Variants in HCN3 observed in about 807,000 individuals in gnomAD.
HCN3 encodes the protein potassium/sodium hyperpolarization-activated cyclic nucleotide-gated channel 3.
Under a neutral mutation model 56.8 loss-of-function variants are expected in HCN3, and 36 were observed. That is an observed-to-expected ratio of 0.63 (90% CI 0.49 to 0.84). The LOEUF is 0.84. HCN3 is among the 40% of genes least tolerant of loss of function. The probability of loss-of-function intolerance (pLI) is 0.00; values close to 1 mark genes in which losing one functional copy is unlikely to be tolerated. For missense variants in HCN3, 930 were observed against 1,079.3 expected (o/e 0.86, Z 1.94); for synonymous variants, 425 against 439.7 (o/e 0.97, Z 0.42).
intron 6 of HCN3, 46 bp from the exon 7 acceptor site, chr1:155,287,127 C>G: frequency 9.4e-6 from 15 of 1,601,030 alleles, no homozygotes; most frequent in Non-Finnish European, 1.3e-5. Context: ...AAGAGGAGTT[C>G]TGGGGACAAG....
intron 1 of HCN3, among the ~76,000 whole-genome samples, chr1:155,280,738 ATTTTTTTTTT>A (rs34480594): frequency 2.0e-4 from 7 of 34,538 alleles, no homozygotes; most frequent in African/African-American, 2.8e-4. Flanking sequence ...ACGCCCAGCT[ATTTTTTTTTT>A]TTTTTTTTTT....
chr1:155,285,870 G>T lies in HCN3; in HGVS notation c.1383G>T (p.Val461=). ...ATCTCGTGGTGCGTGAGGGCTCCGT[G>T]GGGAGGAAGATGTACTTCATCCAGC... The part of the protein sequence containing the change: ...PGDLVVREGS[V]GRKMYFIQHG... The change falls in exon 6 of 8, where the codon GTG becomes GTT. Residue 461 remains valine, a synonymous_variant. Coordinates refer to ENST00000368358, the MANE Select transcript of HCN3 (RefSeq NM_020897.3). The surrounding 1 kb of genome is among the most constrained non-coding windows in gnomAD (Gnocchi z 4.5). 1 of 1,614,204 alleles carries T rather than the reference G, an allele frequency of 6.2e-7. No homozygotes were observed. The highest frequency in any genetic ancestry group is 8.5e-7 in the Non-Finnish European group (1 of 1,180,016).
chr1:155,277,913 C>T (rs1443087700), intron 1 of HCN3, 45 bp downstream of exon 1: 3 of 1,586,428 alleles, frequency 1.9e-6, no homozygotes, highest in Admixed American at 3.4e-5. Context: ...CAATCCCACC[C>T]TCGCGGGCAG....
In HCN3 at chr1:155,285,603, T is replaced by A. The variant is rs1170400537; in HGVS notation, c.1237-121T>A. 1.2e-5 allele frequency: 16 copies of A among 1,359,454 alleles called. No homozygotes were observed. Among genetic ancestry groups the A allele is most frequent in the Non-Finnish European group, 1.6e-5 (16 of 1,000,236 alleles). 84.2% of individuals were successfully genotyped at this position (1,359,454 alleles called of 1,614,324 possible). On this transcript the variant is annotated intron_variant, in intron 5 of 7. Transcript: ENST00000368358. This position sits in a 1 kb window ranked among gnomAD's most constrained non-coding sequence, Gnocchi z 4.5. Reference sequence around the variant, plus strand: ...TTAGGGATGGTCCCAGGCCCACTGATGCCTCCCCATCCTTTGGCAGAACAT... The same window carrying A: ...TTAGGGATGGTCCCAGGCCCACTGAAGCCTCCCCATCCTTTGGCAGAACAT...
chr1:155,288,189 C>A lies in HCN3; in HGVS notation c.2051C>A (p.Ser684Tyr). ...PPARTLHASL[S>Y]RAGRSQVSLL... is the part of the protein sequence containing the mutation. ...GCCCGAACCCTGCACGCCAGCCTAT[C>A]CCGGGCAGGGCGCTCCCAGGTCTCC... Residue 684 changes from serine to tyrosine, a missense_variant, in exon 8 of 8, where the codon TCC becomes TAC. Transcript: ENST00000368358. The surrounding 1 kb of genome is among the most constrained non-coding windows in gnomAD (Gnocchi z 6.5). 1.3e-6 allele frequency: 2 copies of A among 1,575,976 alleles called. No homozygotes were observed. The highest frequency in any genetic ancestry group is 1.7e-6 in the Non-Finnish European group (2 of 1,165,892).
Position 155,288,848 on chromosome 1 carries a change from C to T in HCN3, c.*385C>T, listed in dbSNP as rs1674412598. 2 of 206,176 alleles carry T rather than the reference C, an allele frequency of 9.7e-6. No individual in the cohort carries two copies. Among genetic ancestry groups the T allele is most frequent in the South Asian group, 3.1e-4 (2 of 6,406 alleles). The allele number at this position is 206,176 out of a possible 1,614,324, so 12.8% of individuals were successfully genotyped here. A position where few individuals can be genotyped will look rare whatever the true frequency, so the allele number is the denominator to read the frequency against. ...CACCTTTACTAAGCACAAGTACTTGCCACTGCCATCACTGCCAAGTAACTA... is the reference window on the plus strand; with the variant it reads ...CACCTTTACTAAGCACAAGTACTTGTCACTGCCATCACTGCCAAGTAACTA... On this transcript the variant is annotated 3_prime_UTR_variant, in exon 8 of 8. Transcript: ENST00000368358. The surrounding 1 kb of genome is among the most constrained non-coding windows in gnomAD (Gnocchi z 6.5).
At chr1:155,281,196 G>A (rs1221824211) in intron 1 of HCN3, among the ~76,000 whole-genome samples, 5 of 150,832 alleles carry the variant, frequency 3.3e-5, no homozygotes, top group African/African-American at 1.2e-4. Flanking sequence ...TCAGCCTCCC[G>A]AGTAGCTGGG....
Position 155,285,780 on chromosome 1 carries a change from T to C in HCN3, c.1293T>C (p.His431=), listed in dbSNP as rs2148182687. ...TGGCCCACATGCCGCTGTTTGCCCA[T>C]GCCGACCCCAGCTTCGTCACTGCAG... ...GLVAHMPLFA[H]ADPSFVTAVL... Residue 431 remains histidine, a synonymous_variant, in exon 6 of 8, where the codon CAT becomes CAC. Transcript: ENST00000368358. The surrounding 1 kb of genome is among the most constrained non-coding windows in gnomAD (Gnocchi z 4.5). 6.2e-7 allele frequency: 1 copy of C among 1,614,142 alleles called. No individual in the cohort carries two copies. Among genetic ancestry groups the C allele is most frequent in the Non-Finnish European group, 8.5e-7 (1 of 1,180,002 alleles).
chr1:155,287,224 CCTA>C lies in HCN3; in HGVS notation c.1532_1534del (p.Tyr511del). On this transcript the variant is annotated inframe_deletion, in exon 7 of 8. Coordinates refer to ENST00000368358, the MANE Select transcript of HCN3 (RefSeq NM_020897.3). The stretch of plus-strand genomic sequence containing the variant: ...CGCACAGCCAGTGTTCGGGCTGACA[CCTA>C]CTGCCGCCTTTACTCACTCAGCGTG... 2 of 1,614,072 alleles carry C rather than the reference CCTA, an allele frequency of 1.2e-6. No homozygotes were observed. Among genetic ancestry groups the C allele is most frequent in the Non-Finnish European group, 1.7e-6 (2 of 1,179,978 alleles).
At chr1:155,280,525 C>T (rs1673988814) in intron 1 of HCN3, among the ~76,000 whole-genome samples, 1 of 151,538 alleles carries the variant, frequency 6.6e-6, no homozygotes, top group African/African-American at 2.4e-5. Flanking sequence ...CAAGCTCCGC[C>T]TCCCGGGTTC....
At position 155,284,418 on chromosome 1, in the gene HCN3, G is replaced by T; in HGVS notation, c.871-121G>T. On this transcript the variant is annotated intron_variant, in intron 3 of 7. Transcript: ENST00000368358. The surrounding 1 kb of genome is among the most constrained non-coding windows in gnomAD (Gnocchi z 4.3). ...CCCCCAGAACCAAACTTAAGTGCCT[G>T]CCAGGAGGAAGGCCTGCAGTAGAAG... 1.8e-6 allele frequency: 2 copies of T among 1,140,882 alleles called. No individual in the cohort carries two copies. Among genetic ancestry groups the T allele is most frequent in the Non-Finnish European group, 2.4e-6 (2 of 822,578 alleles). 70.7% of individuals were successfully genotyped at this position (1,140,882 alleles called of 1,614,324 possible). A position where few individuals can be genotyped will look rare whatever the true frequency, so the allele number is the denominator to read the frequency against.
chr1:155,282,724 G>A lies in HCN3; in HGVS notation c.592G>A (p.Ala198Thr). Reference protein sequence around the residue: ...LVVELEPRLDAEVYKTARALR... With the variant: ...LVVELEPRLDTEVYKTARALR... ...GGTGGAGCTGGAGCCACGGTTGGACGCTGAGGTCTACAAAACGGCACGGGC... is the reference window on the plus strand; with the variant it reads ...GGTGGAGCTGGAGCCACGGTTGGACACTGAGGTCTACAAAACGGCACGGGC... The change falls in exon 2 of 8, where the codon GCT becomes ACT. Residue 198 changes from alanine (A) to threonine (T), a missense_variant. Transcript: ENST00000368358. The surrounding 1 kb of genome is among the most constrained non-coding windows in gnomAD (Gnocchi z 4.7). The A allele has an allele frequency of 6.2e-7, 1 of 1,614,172 alleles. No homozygotes were observed. The highest frequency in any genetic ancestry group is 8.5e-7 in the Non-Finnish European group (1 of 1,180,032).
intron 6 of HCN3, 36 bp from the exon 7 acceptor site, chr1:155,287,137 G>A (rs1386988017): frequency 6.2e-7 from 1 of 1,605,550 alleles, no homozygotes; most frequent in Admixed American, 1.7e-5. Flanking sequence ...CTGGGGACAA[G>A]GACGGGGTTC....
rs768377774 is a variant in HCN3, at chr1:155,288,385, A to G, written c.2247A>G (p.Pro749=). Residue 749 remains proline (P), a synonymous_variant, in exon 8 of 8, where the codon CCA becomes CCG. Transcript: ENST00000368358. This position sits in a 1 kb window ranked among gnomAD's most constrained non-coding sequence, Gnocchi z 6.5. The stretch of plus-strand genomic sequence containing the variant: ...CCTCAGGGCTCCTGGCCAAACCTCC[A>G]AGGACAGCCCAGCCCCCCAGGCCAC... ...LPPSGLLAKP[P]RTAQPPRPPV... 3 of 1,613,640 alleles carry G rather than the reference A, an allele frequency of 1.9e-6. No individual in the cohort carries two copies. The highest frequency in any genetic ancestry group is 1.7e-5 in the Admixed American group (1 of 60,012).
chr1:155,284,554 C>A lies in HCN3; in HGVS notation c.886C>A (p.Arg296Ser), dbSNP rs780471817. 1 of 1,612,322 alleles carries A rather than the reference C, an allele frequency of 6.2e-7. No individual in the cohort carries two copies. Among genetic ancestry groups the A allele is most frequent in the African/African-American group, 1.3e-5 (1 of 75,006 alleles). The change falls in exon 4 of 8, where the codon CGC becomes AGC. Residue 296 changes from arginine (R) to serine (S), a missense_variant. Transcript: ENST00000368358. This position sits in a 1 kb window ranked among gnomAD's most constrained non-coding sequence, Gnocchi z 4.3. ...INHMVNHSWG[R>S]QYSHALFKAM... Reference sequence around the variant, plus strand: ...TGCCCCTCAGAACCACTCGTGGGGCCGCCAGTATTCCCATGCCCTGTTCAA... The same window carrying A: ...TGCCCCTCAGAACCACTCGTGGGGCAGCCAGTATTCCCATGCCCTGTTCAA...
At chr1:155,277,935 C>G in intron 1 of HCN3, 67 bp downstream of exon 1, 4 of 1,523,822 alleles carry the variant, frequency 2.6e-6, no homozygotes, top group Non-Finnish European at 3.6e-6. Flanking sequence ...GACACCGGGA[C>G]CCGGCCCGCC....
At position 155,284,535 on chromosome 1, in the gene HCN3, T is replaced by C; in HGVS notation, c.871-4T>C. 1 of 1,610,942 alleles carries C rather than the reference T, an allele frequency of 6.2e-7. No individual in the cohort carries two copies. The highest frequency in any genetic ancestry group is 8.5e-7 in the Non-Finnish European group (1 of 1,179,016). On this transcript the variant is annotated splice_polypyrimidine_tract_variant and splice_region_variant and intron_variant, in intron 3 of 7. Transcript: ENST00000368358. The surrounding 1 kb of genome is among the most constrained non-coding windows in gnomAD (Gnocchi z 4.3). ...CCAGCTCTGCAATATACTCTGCCCC[T>C]CAGAACCACTCGTGGGGCCGCCAGT...
intron 6 of HCN3, among the ~76,000 whole-genome samples, chr1:155,286,527 A>C (rs188508040): frequency 1.0e-3 from 157 of 152,262 alleles, no homozygotes; most frequent in African/African-American, 3.7e-3. Context: ...GGCCTTTTAG[A>C]ACCCTTAGAC....
At chr1:155,286,962 C>T (rs1032262727) in intron 6 of HCN3, among the ~76,000 whole-genome samples, 1 of 152,100 alleles carries the variant, frequency 6.6e-6, no homozygotes, top group African/African-American at 2.4e-5. Flanking sequence ...GTAGGAAGGA[C>T]AGGGAGCAGT....
Sources: gnomAD v4.1 joint callset for allele counts (sites outside exome capture counted in the v4.1 genomes callset) on GRCh38, gnomAD v4.1.1 for gene constraint, Gnocchi (gnomAD v3.1) non-coding constraint, MANE v1.5 for transcripts, NCBI Gene and HGNC (gene_info 2026-07-23, HGNC 2026-07-21) for gene names.